Variants in INTS9 observed in about 807,000 individuals in gnomAD.
The protein encoded by INTS9 is protein related to CPSF subunits of 74 kDa.
In INTS9, 55 loss-of-function variants were observed where a neutral mutation model predicts 79.7. That is an observed-to-expected ratio of 0.69 (90% CI 0.56 to 0.86). The LOEUF (loss-of-function observed/expected upper bound fraction) is 0.86. Ranked by LOEUF, INTS9 falls within the 40% of genes least tolerant of loss-of-function variation. The probability of loss-of-function intolerance (pLI) is 0.00; values close to 1 mark genes in which losing one functional copy is unlikely to be tolerated. For synonymous variants in INTS9, 319 were observed against 325.2 expected, an observed-to-expected ratio of 0.98 and a Z score of 0.20; for missense variants, 721 against 831.5, an observed-to-expected ratio of 0.87 and a Z score of 1.64.
At position 28,767,863 on chromosome 8, in the gene INTS9, C is replaced by A. The variant is rs893569228; in HGVS notation, c.*283G>T. 8.0e-5 allele frequency: 33 copies of A among 414,688 alleles called. No individual in the cohort carries two copies. The East Asian group carries it at 1.7e-3, about 21-fold the overall frequency. The allele number at this position is 414,688 out of a possible 1,614,324, so 25.7% of individuals were successfully genotyped here. ...CCAGTCACCTCCGCCTCCCATGAAC[C>A]TCTTGGAAAACTTCTCCTGTCCCAC... On this transcript the variant is annotated 3_prime_UTR_variant, in exon 17 of 17. Coordinates refer to ENST00000521022, the MANE Select transcript of INTS9 (RefSeq NM_018250.4).
chr8:28,861,970 C>A (rs1585494405), intron 1 of INTS9: 1 of 492,514 alleles, frequency 2.0e-6, no homozygotes, highest in African/African-American at 2.1e-5. Context: ...CTGGGAAGAG[C>A]TGAAGACACA....
chr8:28,835,253 C>G, intron 6 of INTS9, 39 bp downstream of exon 6: 1 of 1,406,560 alleles, frequency 7.1e-7, no homozygotes, highest in Non-Finnish European at 1.0e-6. Context: ...AAGCACCTGG[C>G]TCTACAGTCT....
At chr8:28,804,244 C>G (rs559464929) in intron 8 of INTS9, among the ~76,000 whole-genome samples, 51 of 152,270 alleles carry the variant, frequency 3.3e-4, no homozygotes, top group Non-Finnish European at 5.9e-4. Flanking sequence ...AGAATCTAAA[C>G]TGAGAGGACA....
intron 8 of INTS9, among the ~76,000 whole-genome samples, chr8:28,802,402 T>C (rs1280170002): frequency 6.6e-6 from 1 of 152,180 alleles, no homozygotes; most frequent in Non-Finnish European, 1.5e-5. Flanking sequence ...CCCTGTGGAA[T>C]CCTTGCTTTC....
chr8:28,835,866 T>C (rs1806781755), intron 5 of INTS9, among the ~76,000 whole-genome samples: 1 of 152,048 alleles, frequency 6.6e-6, no homozygotes, highest in African/African-American at 2.4e-5. Flanking sequence ...TAGACTGCAA[T>C]GGCACAATCT....
chr8:28,851,571 G>A (rs957852821), intron 2 of INTS9, among the ~76,000 whole-genome samples: 15 of 151,876 alleles, frequency 9.9e-5, no homozygotes, highest in Non-Finnish European at 1.9e-4. Context: ...CCGAGTAGCT[G>A]GGACTACAGG....
chr8:28,818,850 G>A (rs1295926907), intron 6 of INTS9, among the ~76,000 whole-genome samples: 4 of 151,778 alleles, frequency 2.6e-5, no homozygotes, highest in African/African-American at 9.7e-5. Context: ...GGTCTATTCA[G>A]AGATTCAACT....
intron 6 of INTS9, among the ~76,000 whole-genome samples, chr8:28,820,328 G>A (rs917029883): frequency 2.0e-5 from 3 of 152,188 alleles, no homozygotes; most frequent in African/African-American, 7.2e-5. Flanking sequence ...TCCTTCAGGA[G>A]CTCTTTTAGG....
intron 2 of INTS9, among the ~76,000 whole-genome samples, chr8:28,857,571 G>C (rs1255347984): frequency 6.6e-6 from 1 of 152,122 alleles, no homozygotes; most frequent in Non-Finnish European, 1.5e-5. Flanking sequence ...AGATGGAAAA[G>C]TCCAAGACAA....
chr8:28,772,720 T>G (rs1585322207), intron 14 of INTS9, among the ~76,000 whole-genome samples: 1 of 151,632 alleles, frequency 6.6e-6, no homozygotes. Flanking sequence ...GGCAGGAGAA[T>G]GGCGTGAACT....
rs981347388 is a variant in INTS9, at chr8:28,826,518, C to T, written c.488+8774G>A. ...GCCCGGTTCAGGGTTTTGTGGCAGGCGCTTCTGCCATGGCTCCAAGTGACC... is the reference window on the plus strand; with the variant it reads ...GCCCGGTTCAGGGTTTTGTGGCAGGTGCTTCTGCCATGGCTCCAAGTGACC... On this transcript the variant is annotated intron_variant, in intron 6 of 16. Transcript: ENST00000521022. Among the ~76,000 whole-genome samples, 9 of 152,128 alleles carry T rather than the reference C, an allele frequency of 5.9e-5. No homozygotes were observed. In the South Asian group the frequency reaches 6.2e-4, roughly 10 times the overall value.
At chr8:28,809,958 A>C (rs1563265842) in intron 8 of INTS9, 1 of 152,246 alleles carries the variant, frequency 6.6e-6, no homozygotes, top group Admixed American at 6.5e-5. Flanking sequence ...TCCCTGTATT[A>C]AAATGGGGTC....
rs1805283676 is a variant in INTS9 at position 28,813,507 on chromosome 8, T to A, written c.594A>T (p.Gly198=). ...GAATACTCACAATTTTCTGAGAATATCCCACCAGCTGGATTTTACTAAGGG... is the reference window on the plus strand; with the variant it reads ...GAATACTCACAATTTTCTGAGAATAACCCACCAGCTGGATTTTACTAAGGG... The part of the protein sequence containing the change: ...NSALSKIQLV[G]YSQKIELFGA... The change falls in exon 7 of 17, where the codon GGA becomes GGT. Residue 198 remains glycine, a synonymous_variant. Coordinates refer to ENST00000521022, the MANE Select transcript of INTS9 (RefSeq NM_018250.4). 5 of 1,613,458 alleles carry A rather than the reference T, an allele frequency of 3.1e-6. No individual in the cohort carries two copies. In the East Asian group the frequency reaches 1.1e-4, roughly 36 times the overall value.
chr8:28,797,678 G>A (rs1804300779), intron 8 of INTS9, among the ~76,000 whole-genome samples: 1 of 152,054 alleles, frequency 6.6e-6, no homozygotes, highest in African/African-American at 2.4e-5. Context: ...CCAAAATGAG[G>A]GCCCATGGAT....
chr8:28,843,736 T>C (rs991455971), intron 4 of INTS9, among the ~76,000 whole-genome samples: 6 of 152,058 alleles, frequency 3.9e-5, no homozygotes, highest in African/African-American at 9.7e-5. Context: ...CTTTTTCTTT[T>C]TTTTTTTTTA....
At chr8:28,803,056 T>C (rs893736091) in intron 8 of INTS9, among the ~76,000 whole-genome samples, 3 of 151,976 alleles carry the variant, frequency 2.0e-5, no homozygotes, top group Non-Finnish European at 4.4e-5. Context: ...GAGGTTGCAG[T>C]GAGTCATGAT....
intron 15 of INTS9, 103 bp downstream of exon 15, chr8:28,770,879 C>CA: frequency 2.4e-6 from 2 of 843,126 alleles, no homozygotes; most frequent in Non-Finnish European, 3.8e-6. Flanking sequence ...AATAATTCTT[C>CA]AACAAGAATT....
rs533923547 is a variant in INTS9, at chr8:28,853,186, G to A, written c.138-2913C>T. Reference sequence around the variant, plus strand: ...TCCCAGCACTTTGGGAGGCCGAGGCGGATGGATCACCTAGGTCAGGGGTTC... The same window carrying A: ...TCCCAGCACTTTGGGAGGCCGAGGCAGATGGATCACCTAGGTCAGGGGTTC... On this transcript the variant is annotated intron_variant, in intron 2 of 16. Coordinates refer to ENST00000521022, the MANE Select transcript of INTS9 (RefSeq NM_018250.4). 7.9e-5 allele frequency among the ~76,000 whole-genome samples: 12 copies of A among 152,116 alleles called. No homozygotes were observed. In the East Asian group the frequency reaches 1.2e-3, roughly 15 times the overall value.
intron 11 of INTS9, among the ~76,000 whole-genome samples, chr8:28,786,206 G>A (rs1386066031): frequency 6.6e-6 from 1 of 152,108 alleles, no homozygotes; most frequent in African/African-American, 2.4e-5. Flanking sequence ...GTAAGGGACT[G>A]TGTGAGTATA....
Sources: gnomAD v4.1 joint callset for allele counts (sites outside exome capture counted in the v4.1 genomes callset) on GRCh38, gnomAD v4.1.1 for gene constraint, MANE v1.5 for transcripts, NCBI Gene and HGNC (gene_info 2026-07-23, HGNC 2026-07-21) for gene names.